The following ELMO1 variants were observed in gnomAD, a reference collection of about 807,000 sequenced individuals.
ELMO1 encodes engulfment and cell motility 1, also known as engulfment and cell motility protein 1.
Under a neutral mutation model 98.9 loss-of-function variants are expected in ELMO1, and 26 were observed. The observed-to-expected ratio is 0.26, with a 90% CI of 0.19 to 0.36. ELMO1 has a LOEUF of 0.36. Among genes scored for constraint, ELMO1 ranks in the 10% least tolerant of loss-of-function variants. The probability of loss-of-function intolerance (pLI) is 1.00; values close to 1 mark genes in which losing one functional copy is unlikely to be tolerated. For missense variants in ELMO1, 627 were observed against 935.2 expected, an observed-to-expected ratio of 0.67 and a Z score of 4.30; for synonymous variants, 346 against 346.0, an observed-to-expected ratio of 1.00 and a Z score of 0.00.
chr7:37,192,333 A>C (rs1245450541), intron 13 of ELMO1, among the ~76,000 whole-genome samples: 1 of 151,862 alleles, frequency 6.6e-6, no homozygotes, highest in African/African-American at 2.4e-5. Context: ...CGTCTCTGCT[A>C]AAAATACAAA....
intron 16 of ELMO1, among the ~76,000 whole-genome samples, chr7:36,938,790 G>A (rs1333777068): frequency 6.6e-6 from 1 of 151,614 alleles, no homozygotes; most frequent in Admixed American, 6.6e-5. Context: ...TGGCTACCTA[G>A]AATGTAAGGT....
chr7:37,150,664 G>T (rs952382433), intron 13 of ELMO1, among the ~76,000 whole-genome samples: 1 of 151,998 alleles, frequency 6.6e-6, no homozygotes, highest in Non-Finnish European at 1.5e-5. Flanking sequence ...AGTATACATG[G>T]ATTAGCAGTA....
intron 13 of ELMO1, among the ~76,000 whole-genome samples, chr7:37,152,724 A>G (rs1788448894): frequency 6.6e-6 from 1 of 152,236 alleles, no homozygotes; most frequent in African/African-American, 2.4e-5. Flanking sequence ...AGTTAAGGAG[A>G]AAAGGCTCTG....
At chr7:37,031,014 T>G (rs548431443) in intron 15 of ELMO1, among the ~76,000 whole-genome samples, 1 of 152,294 alleles carries the variant, frequency 6.6e-6, no homozygotes. Context: ...TCTCAGCTAT[T>G]TTTGCTCAGT....
chr7:36,924,891 C>T (rs1323051773), intron 16 of ELMO1, among the ~76,000 whole-genome samples: 1 of 152,158 alleles, frequency 6.6e-6, no homozygotes, highest in Non-Finnish European at 1.5e-5. Context: ...CCTCACTTTG[C>T]ATTCTGTGGA....
chr7:37,440,773 A>C (rs1805383608), intron 1 of ELMO1, among the ~76,000 whole-genome samples: 1 of 151,720 alleles, frequency 6.6e-6, no homozygotes, highest in African/African-American at 2.4e-5. Context: ...CATCTCAAAA[A>C]AAAAAAAAAA....
chr7:37,174,014 T>TA (rs1790354917), intron 13 of ELMO1, among the ~76,000 whole-genome samples: 1 of 152,228 alleles, frequency 6.6e-6, no homozygotes, highest in South Asian at 2.1e-4. Context: ...AGATCACTGA[T>TA]ACTCAGCCCT....
At chr7:37,055,191 A>C (rs1204841750) in intron 15 of ELMO1, among the ~76,000 whole-genome samples, 1 of 152,252 alleles carries the variant, frequency 6.6e-6, no homozygotes, top group East Asian at 1.9e-4. Flanking sequence ...TACAGAAATG[A>C]CAACAAGAAA....
chr7:37,140,900 G>A (rs1042647133), intron 13 of ELMO1, among the ~76,000 whole-genome samples: 20 of 152,146 alleles, frequency 1.3e-4, no homozygotes, highest in East Asian at 5.8e-4. Context: ...TGGCATAGAC[G>A]CAGTGAAAAG....
At chr7:37,234,033 C>T (rs1794323947) in intron 7 of ELMO1, among the ~76,000 whole-genome samples, 1 of 152,180 alleles carries the variant, frequency 6.6e-6, no homozygotes, top group Non-Finnish European at 1.5e-5. Context: ...CAAAACAACA[C>T]TTTAGCAGAG....
At chr7:37,250,642 A>T (rs1328376327) in intron 6 of ELMO1, among the ~76,000 whole-genome samples, 1 of 152,056 alleles carries the variant, frequency 6.6e-6, no homozygotes, top group African/African-American at 2.4e-5. Context: ...AACACAAAAA[A>T]TTAGCCGGGT....
chr7:37,310,456 C>A (rs1028923749), intron 4 of ELMO1, among the ~76,000 whole-genome samples: 1 of 152,202 alleles, frequency 6.6e-6, no homozygotes, highest in African/African-American at 2.4e-5. Context: ...TGCAATCATA[C>A]TGCCTTAGGC....
intron 13 of ELMO1, among the ~76,000 whole-genome samples, chr7:37,167,329 T>C (rs1789783601): frequency 6.6e-6 from 1 of 152,210 alleles, no homozygotes; most frequent in South Asian, 2.1e-4. Context: ...AAGCATTTCG[T>C]CCATTTACAT....
intron 4 of ELMO1, among the ~76,000 whole-genome samples, chr7:37,289,517 C>G (rs185514187): frequency 2.0e-5 from 3 of 152,328 alleles, no homozygotes; most frequent in African/African-American, 7.2e-5. Context: ...AAGTTACAAA[C>G]AGCCCCAGGC....
chr7:37,388,802 C>T (rs545952665), intron 1 of ELMO1, among the ~76,000 whole-genome samples: 3 of 152,226 alleles, frequency 2.0e-5, no homozygotes, highest in South Asian at 4.2e-4. Flanking sequence ...GACCCTGTCT[C>T]TAAAAAAGTT....
chr7:37,422,657 C>T (rs1361524050), intron 1 of ELMO1, among the ~76,000 whole-genome samples: 3 of 152,074 alleles, frequency 2.0e-5, no homozygotes, highest in Admixed American at 6.5e-5. Flanking sequence ...ACTTGCCTTC[C>T]TATTTAGAAA....
intron 4 of ELMO1, among the ~76,000 whole-genome samples, chr7:37,280,131 G>C (rs1187177426): frequency 6.6e-6 from 1 of 152,196 alleles, no homozygotes; most frequent in Non-Finnish European, 1.5e-5. Flanking sequence ...AATGATGCTA[G>C]GATAATTGGC....
chr7:37,153,398 G>A (rs576855763), intron 13 of ELMO1, among the ~76,000 whole-genome samples: 1 of 152,176 alleles, frequency 6.6e-6, no homozygotes, highest in African/African-American at 2.4e-5. Flanking sequence ...GAAGCTATGA[G>A]TGACTCTACC....
At chr7:37,087,151 TCTA>T (rs1264398107) in intron 15 of ELMO1, among the ~76,000 whole-genome samples, 19 of 152,336 alleles carry the variant, frequency 1.2e-4, no homozygotes, top group Non-Finnish European at 7.3e-5. Context: ...ATATGGAACA[TCTA>T]CTAAGTTTCG....
Sources: allele counts gnomAD v4.1 joint callset (sites outside exome capture counted in the v4.1 genomes callset), GRCh38; gene constraint gnomAD v4.1.1; transcripts MANE v1.5; gene names NCBI Gene and HGNC (gene_info 2026-07-23, HGNC 2026-07-21).